The following KATNAL2 variants were observed in gnomAD, a reference collection of about 807,000 sequenced individuals.
KATNAL2 encodes the protein katanin p60 ATPase-containing subunit A-like 2.
Under a neutral mutation model 76.3 loss-of-function variants are expected in KATNAL2, and 52 were observed. The observed-to-expected ratio is 0.68, with a 90% CI of 0.55 to 0.86. The LOEUF (loss-of-function observed/expected upper bound fraction) is 0.86. Among genes scored for constraint, KATNAL2 ranks in the 40% least tolerant of loss-of-function variants. The probability of loss-of-function intolerance (pLI) is 0.00; values close to 1 mark genes in which losing one functional copy is unlikely to be tolerated. For missense variants in KATNAL2, 660 were observed against 668.9 expected, an observed-to-expected ratio of 0.99 and a Z score of 0.15; for synonymous variants, 243 against 244.2, an observed-to-expected ratio of 1.00 and a Z score of 0.05.
In KATNAL2 at chr18:47,069,229, C is replaced by A. The variant is rs200397515; in HGVS notation, c.835C>A (p.Leu279Ile). ...TTCCTTGTTTCCTTAGTATCCACAG[C>A]TATTTACAGGAATTCTTTCTCCCTG... The part of the protein sequence containing the change: ...AVVYPIRYPQ[L>I]FTGILSPWKG... The change falls in exon 12 of 18, where the codon CTA becomes ATA. Residue 279 changes from leucine to isoleucine, a missense_variant. Leu to Ile is a conservative substitution (Grantham distance 5). Coordinates refer to ENST00000683218, the MANE Select transcript of KATNAL2 (RefSeq NM_001387690.1). The A allele has an allele frequency of 1.9e-6, 3 of 1,610,798 alleles. No individual in the cohort carries two copies. The East Asian group carries it at 6.7e-5, about 36-fold the overall frequency.
At chr18:47,055,027 T>C (rs1192030257) in intron 6 of KATNAL2, among the ~76,000 whole-genome samples, 1 of 152,240 alleles carries the variant, frequency 6.6e-6, no homozygotes, top group African/African-American at 2.4e-5. Context: ...CAAATCTCAT[T>C]TGGGGCTTGT....
At chr18:47,034,121 A>G (rs201080530) in intron 3 of KATNAL2, 228 of 1,614,062 alleles carry the variant, frequency 1.4e-4, no homozygotes, top group Non-Finnish European at 1.9e-4. Context: ...TTTTCACATG[A>G]CAGAGTGGGC....
At chr18:46,931,361 A>G (rs574695214) in intron 1 of KATNAL2, among the ~76,000 whole-genome samples, 5 of 151,866 alleles carry the variant, frequency 3.3e-5, no homozygotes, top group Non-Finnish European at 5.9e-5. Context: ...AGAATTCAAA[A>G]TTTAAAAAGG....
At chr18:46,942,286 C>T (rs534279638) in intron 1 of KATNAL2, among the ~76,000 whole-genome samples, 2 of 152,306 alleles carry the variant, frequency 1.3e-5, no homozygotes, top group South Asian at 2.1e-4. Context: ...CAATTCTAAT[C>T]AGCTGTTAAG....
chr18:47,076,469 G>A (rs1370016199), intron 14 of KATNAL2: 2 of 152,066 alleles, frequency 1.3e-5, no homozygotes, highest in Non-Finnish European at 2.9e-5. Context: ...CAAAGACCAG[G>A]TCTCCCTATG....
chr18:46,967,944 T>G (rs1468311378), intron 3 of KATNAL2, among the ~76,000 whole-genome samples: 2 of 119,128 alleles, frequency 1.7e-5, no homozygotes, highest in African/African-American at 6.4e-5. Flanking sequence ...CAGGTTTCTT[T>G]GAGATGTGCT....
At chr18:47,054,653 T>A (rs1569087026) in intron 6 of KATNAL2, 1 of 572,334 alleles carries the variant, frequency 1.7e-6, no homozygotes, top group Non-Finnish European at 3.1e-6. Context: ...AATAAGTATA[T>A]CCTGTGATGC....
chr18:46,952,692 C>G (rs1472220889), intron 3 of KATNAL2, among the ~76,000 whole-genome samples: 1 of 152,024 alleles, frequency 6.6e-6, no homozygotes, highest in East Asian at 1.9e-4. Flanking sequence ...AGCCACTGCC[C>G]CTGGCCCAGG....
intron 15 of KATNAL2, chr18:47,084,271 T>A: frequency 1.4e-6 from 1 of 698,278 alleles, no homozygotes; most frequent in Non-Finnish European, 2.6e-6. Context: ...GTAACATTGC[T>A]ATAGCAATGC....
chr18:46,952,730 C>T (rs1050095942), intron 3 of KATNAL2, among the ~76,000 whole-genome samples: 2 of 151,230 alleles, frequency 1.3e-5, no homozygotes, highest in Non-Finnish European at 3.0e-5. Context: ...GTTGAATGTT[C>T]CTTTTTCACT....
At chr18:46,954,326 CTT>C (rs57075892) in intron 3 of KATNAL2, among the ~76,000 whole-genome samples, 147 of 121,110 alleles carry the variant, frequency 1.2e-3, no homozygotes, top group African/African-American at 4.0e-3. Flanking sequence ...TCTTCTTCGT[CTT>C]TTTTTTTTTT....
chr18:46,957,090 G>C (rs1360061479), intron 3 of KATNAL2, among the ~76,000 whole-genome samples: 3 of 150,552 alleles, frequency 2.0e-5, no homozygotes, highest in Non-Finnish European at 3.0e-5. Context: ...CAGAAGTTTT[G>C]GAGTGGGACT....
intron 3 of KATNAL2, among the ~76,000 whole-genome samples, chr18:46,947,252 G>A (rs1157815437): frequency 6.6e-6 from 1 of 152,168 alleles, no homozygotes; most frequent in Non-Finnish European, 1.5e-5. Context: ...ATGGATTTGG[G>A]GAGTGGTCAA....
intron 11 of KATNAL2, among the ~76,000 whole-genome samples, chr18:47,067,456 G>A (rs1322270692): frequency 6.6e-6 from 1 of 152,136 alleles, no homozygotes; most frequent in Non-Finnish European, 1.5e-5. Flanking sequence ...TGGTAGGGGA[G>A]AATCTCTCAC....
intron 3 of KATNAL2, among the ~76,000 whole-genome samples, chr18:46,948,960 G>A (rs1490714354): frequency 6.6e-6 from 1 of 151,452 alleles, no homozygotes; most frequent in East Asian, 1.9e-4. Context: ...GGAGTGCAGT[G>A]GTGCAATCAT....
chr18:46,932,917 C>G (rs2058976580), intron 1 of KATNAL2, among the ~76,000 whole-genome samples: 1 of 151,696 alleles, frequency 6.6e-6, no homozygotes, highest in African/African-American at 2.4e-5. Context: ...GGCGCGCTAC[C>G]ATGCCCCACT....
intron 3 of KATNAL2, among the ~76,000 whole-genome samples, chr18:46,947,304 T>G (rs552898582): frequency 6.6e-6 from 1 of 152,284 alleles, no homozygotes; most frequent in East Asian, 1.9e-4. Context: ...ACCTGGGAGT[T>G]AGTTAGAATA....
intron 1 of KATNAL2, among the ~76,000 whole-genome samples, chr18:46,943,818 T>C (rs2059312417): frequency 6.6e-6 from 1 of 152,240 alleles, no homozygotes; most frequent in African/African-American, 2.4e-5. Context: ...AAGTTTAACC[T>C]GATTTAGCAT....
chr18:46,933,779 T>G (rs2059005839), intron 1 of KATNAL2, among the ~76,000 whole-genome samples: 1 of 40,192 alleles, frequency 2.5e-5, no homozygotes, highest in East Asian at 9.2e-4. Flanking sequence ...CCCTAATGGC[T>G]ATCCCTCCCC....
Sources: allele counts gnomAD v4.1 joint callset (sites outside exome capture counted in the v4.1 genomes callset), GRCh38; gene constraint gnomAD v4.1.1; transcripts MANE v1.5; gene names NCBI Gene and HGNC (gene_info 2026-07-23, HGNC 2026-07-21).